FMNL1: variants seen among roughly 807,000 people sequenced by gnomAD.
The protein encoded by FMNL1 is formin-like protein 1.
Under a neutral mutation model 121.3 loss-of-function variants are expected in FMNL1, and 43 were observed. That is an observed-to-expected ratio of 0.35 (90% CI 0.28 to 0.46). The LOEUF is 0.46. FMNL1 is among the 20% of genes least tolerant of loss of function. The pLI is 1.00. For missense variants in FMNL1, 1,191 were observed against 1,482.4 expected (o/e 0.80, Z 3.23); for synonymous variants, 613 against 613.5 (o/e 1.00, Z 0.01).
In FMNL1 at chr17:45,233,510, G is replaced by A; in HGVS notation, c.402-138G>A. On this transcript the variant is annotated intron_variant, in intron 4 of 26. Transcript: ENST00000331495. The surrounding 1 kb of genome is among the most constrained non-coding windows in gnomAD (Gnocchi z 4.1). Reference sequence around the variant, plus strand: ...TGGCTGGGCTGTGGGACCCACCTGAGTCTCCCAGAATCCTTTGGTATCATT... The same window carrying A: ...TGGCTGGGCTGTGGGACCCACCTGAATCTCCCAGAATCCTTTGGTATCATT... The A allele has an allele frequency of 1.9e-6, 2 of 1,079,402 alleles. No individual in the cohort carries two copies. The highest frequency in any genetic ancestry group is 2.7e-6 in the Non-Finnish European group (2 of 749,162). 66.9% of individuals were successfully genotyped at this position (1,079,402 alleles called of 1,614,324 possible). A position where few individuals can be genotyped will look rare whatever the true frequency, so the allele number is the denominator to read the frequency against.
chr17:45,240,797 G>A, intron 12 of FMNL1, 172 bp downstream of exon 12: 1 of 999,592 alleles, frequency 1.0e-6, no homozygotes, highest in Non-Finnish European at 1.4e-6. Flanking sequence ...GAATCTGTTG[G>A]GTGTCTTTCT....
chr17:45,242,444 C>G lies in FMNL1; in HGVS notation c.1989C>G (p.Leu663=). The change falls in exon 16 of 27, where the codon CTC becomes CTG. Residue 663 remains leucine (L), a synonymous_variant. Transcript: ENST00000331495. ...TCACCGGCACTGTCTTCACAGAGCT[C>G]AATGATGAGAAGGTGCTGCAGGTGA... ...SQITGTVFTE[L]NDEKVLQELD... is the part of the protein sequence containing the mutation. 1 of 1,613,938 alleles carries G rather than the reference C, an allele frequency of 6.2e-7. No individual in the cohort carries two copies. Among genetic ancestry groups the G allele is most frequent in the Non-Finnish European group, 8.5e-7 (1 of 1,179,846 alleles).
rs2043841897 is a variant in FMNL1 at position 45,246,543 on chromosome 17, C to A, written c.3250C>A (p.Arg1084=). 1 of 1,613,740 alleles carries A rather than the reference C, an allele frequency of 6.2e-7. No homozygotes were observed. Among genetic ancestry groups the A allele is most frequent in the Non-Finnish European group, 8.5e-7 (1 of 1,179,666 alleles). Residue 1084 remains arginine, a synonymous_variant, in exon 26 of 27, where the codon CGG becomes AGG. Transcript: ENST00000331495. ...GCCCTTCACGGCCCGCACCGGCAAGCGGACATCCCGGCTCCTCTGTGAGGC... is the reference window on the plus strand; with the variant it reads ...GCCCTTCACGGCCCGCACCGGCAAGAGGACATCCCGGCTCCTCTGTGAGGC... ...TVPFTARTGK[R]TSRLLCEASL...
intron 5 of FMNL1, 57 bp from the exon 6 acceptor site, chr17:45,234,015 C>A: frequency 1.3e-6 from 2 of 1,595,722 alleles, no homozygotes; most frequent in South Asian, 1.1e-5. Flanking sequence ...TTCCTCTGCC[C>A]CCTCTTAAGT....
Position 45,236,257 on chromosome 17 carries a change from G to A in FMNL1, c.723+13G>A. The A allele has an allele frequency of 6.2e-7, 1 of 1,610,072 alleles. No homozygotes were observed. Among genetic ancestry groups the A allele is most frequent in the Non-Finnish European group, 8.5e-7 (1 of 1,177,168 alleles). Reference sequence around the variant, plus strand: ...CATGAACTACCAGGTCAGCCGAGGGGCATGGGACTGGCGACTAGGGAGCCC... The same window carrying A: ...CATGAACTACCAGGTCAGCCGAGGGACATGGGACTGGCGACTAGGGAGCCC... On this transcript the variant is annotated intron_variant, in intron 7 of 26. Transcript: ENST00000331495.
intron 1 of FMNL1, among the ~76,000 whole-genome samples, chr17:45,222,903 A>C (rs1247126881): frequency 2.0e-5 from 3 of 152,090 alleles, no homozygotes; most frequent in African/African-American, 2.4e-5. Flanking sequence ...GGGTGGAGCA[A>C]AATCTGGAAC....
At chr17:45,246,751 C>T (rs2043847068) in intron 26 of FMNL1, 116 bp from the exon 27 acceptor site, 4 of 797,814 alleles carry the variant, frequency 5.0e-6, no homozygotes, top group Non-Finnish European at 8.2e-6. Flanking sequence ...ATAAACGGTA[C>T]CCCTGCCATG....
At position 45,247,102 on chromosome 17, in the gene FMNL1, C is replaced by T. The variant is rs1162414235; in HGVS notation, c.*244C>T. 1.7e-6 allele frequency: 1 copy of T among 601,264 alleles called. No individual in the cohort carries two copies. The highest frequency in any genetic ancestry group is 3.0e-6 in the Non-Finnish European group (1 of 332,792). 37.2% of individuals were successfully genotyped at this position (601,264 alleles called of 1,614,324 possible). ...GTGGCCCGCCTCAAACGGGCTGGTG[C>T]ATCCTCCTCTTGGCCACAGAGGGCA... On this transcript the variant is annotated 3_prime_UTR_variant, in exon 27 of 27. Coordinates refer to ENST00000331495, the MANE Select transcript of FMNL1 (RefSeq NM_005892.4).
At position 45,231,192 on chromosome 17, in the gene FMNL1, T is replaced by C. The variant is rs918284749; in HGVS notation, c.213+505T>C. Among the ~76,000 whole-genome samples the C allele has an allele frequency of 6.6e-6, 1 of 152,230 alleles. No homozygotes were observed. Among genetic ancestry groups the C allele is most frequent in the Non-Finnish European group, 1.5e-5 (1 of 68,026 alleles). ...TGCTTTGGTGCTCCGTCCAGGTGCC[T>C]GGACTCACGGGTCACTCAGCTGTCC... On this transcript the variant is annotated intron_variant, in intron 2 of 26. Transcript: ENST00000331495. This position sits in a 1 kb window ranked among gnomAD's most constrained non-coding sequence, Gnocchi z 4.7.
rs2043748943 is a variant in FMNL1, at chr17:45,243,216, C to T, written c.2109C>T (p.Ala703=). The T allele has an allele frequency of 6.2e-7, 1 of 1,614,214 alleles. No homozygotes were observed. Among genetic ancestry groups the T allele is most frequent in the Admixed American group, 1.7e-5 (1 of 60,028 alleles). Residue 703 remains alanine (A), a synonymous_variant, in exon 17 of 27, where the codon GCC becomes GCT. Transcript: ENST00000331495. ...SALKSKAAQK[A]PSKATLIEAN... is the part of the protein sequence containing the mutation. ...TCAAGAGTAAGGCAGCCCAGAAGGC[C>T]CCCAGCAAGGCGACACTCATTGAGG...
intron 1 of FMNL1, 42 bp downstream of exon 1, chr17:45,222,295 G>A: frequency 8.7e-7 from 1 of 1,155,594 alleles, no homozygotes; most frequent in Non-Finnish European, 1.1e-6. Flanking sequence ...GGCGGGGGGC[G>A]GCAGGGGCGC....
At position 45,241,323 on chromosome 17, in the gene FMNL1, G is replaced by A. The variant is rs983536100; in HGVS notation, c.1333-59G>A. Reference sequence around the variant, plus strand: ...TCTCCCTCCACCCCGGGAAGAAGATGGAGGCTTGGTGCCAAGGAGCCTGCT... The same window carrying A: ...TCTCCCTCCACCCCGGGAAGAAGATAGAGGCTTGGTGCCAAGGAGCCTGCT... On this transcript the variant is annotated intron_variant, in intron 13 of 26. Transcript: ENST00000331495. This position sits in a 1 kb window ranked among gnomAD's most constrained non-coding sequence, Gnocchi z 7.0. 1.9e-6 allele frequency: 3 copies of A among 1,596,642 alleles called. No individual in the cohort carries two copies. Among genetic ancestry groups the A allele is most frequent in the Admixed American group, 1.7e-5 (1 of 57,526 alleles).
At chr17:45,228,111 A>C (rs1198716108) in intron 1 of FMNL1, among the ~76,000 whole-genome samples, 1 of 152,064 alleles carries the variant, frequency 6.6e-6, no homozygotes, top group Non-Finnish European at 1.5e-5. Flanking sequence ...TCCTGTTTTC[A>C]GGGTGGCCTC....
At position 45,237,605 on chromosome 17, in the gene FMNL1, A is replaced by G; in HGVS notation, c.860A>G (p.Asp287Gly). The change falls in exon 9 of 27, where the codon GAC becomes GGC. Residue 287 changes from aspartate to glycine, a missense_variant. Physicochemically the swap from Asp to Gly is moderately conservative, Grantham distance 94. Transcript: ENST00000331495. The surrounding 1 kb of genome is among the most constrained non-coding windows in gnomAD (Gnocchi z 4.4). ...AAVCLVRGGH[D>G]IILAAFDNFK... is the part of the protein sequence containing the mutation. ...GTGTGCTTGGTGCGGGGAGGACATG[A>G]CATCATCCTTGCAGCCTTTGACAAC... The G allele has an allele frequency of 6.2e-7, 1 of 1,614,166 alleles. No individual in the cohort carries two copies. The highest frequency in any genetic ancestry group is 1.1e-5 in the South Asian group (1 of 91,082).
rs915306445 is a variant in FMNL1 at position 45,237,753 on chromosome 17, G to C, written c.894+114G>C. Reference sequence around the variant, plus strand: ...AGCTGGGGACATTGGGTGGGCATTTGGGGAACGCCCAAAAGTTGAAGTTGA... The same window carrying C: ...AGCTGGGGACATTGGGTGGGCATTTCGGGAACGCCCAAAAGTTGAAGTTGA... On this transcript the variant is annotated intron_variant, in intron 9 of 26. Transcript: ENST00000331495. The surrounding 1 kb of genome is among the most constrained non-coding windows in gnomAD (Gnocchi z 4.4). 7 of 1,150,230 alleles carry C rather than the reference G, an allele frequency of 6.1e-6. No homozygotes were observed. In the African/African-American group the frequency reaches 9.1e-5, roughly 15 times the overall value. 71.3% of individuals were successfully genotyped at this position (1,150,230 alleles called of 1,614,324 possible).
At position 45,243,859 on chromosome 17, in the gene FMNL1, A is replaced by C; in HGVS notation, c.2282A>C (p.Glu761Ala). The change falls in exon 18 of 27, where the codon GAG becomes GCG. Residue 761 changes from glutamate (E) to alanine (A), a missense_variant. By Grantham distance (107) the Glu-to-Ala change is moderately radical. Transcript: ENST00000331495. ...ATGCGCTTCCTGCCCACAGAGTATGAGCGCAGCCTCATCACCCGCTTTGAG... is the reference window on the plus strand; with the variant it reads ...ATGCGCTTCCTGCCCACAGAGTATGCGCGCAGCCTCATCACCCGCTTTGAG... ...LLMRFLPTEY[E>A]RSLITRFERE... 1 of 1,613,894 alleles carries C rather than the reference A, an allele frequency of 6.2e-7. No homozygotes were observed. Among genetic ancestry groups the C allele is most frequent in the Non-Finnish European group, 8.5e-7 (1 of 1,180,030 alleles).
chr17:45,235,870 GTC>G (rs1015557258), intron 6 of FMNL1, among the ~76,000 whole-genome samples: 6 of 152,192 alleles, frequency 3.9e-5, no homozygotes, highest in African/African-American at 1.4e-4. Flanking sequence ...TCCTTCCCAT[GTC>G]TCTTCCTTCT....
intron 6 of FMNL1, among the ~76,000 whole-genome samples, chr17:45,235,439 T>G (rs2043529855): frequency 6.6e-6 from 1 of 152,174 alleles, no homozygotes; most frequent in African/African-American, 2.4e-5. Flanking sequence ...TCTGACATAT[T>G]AGCACAATGA....
intron 9 of FMNL1, chr17:45,238,207 AG>A: frequency 4.1e-6 from 1 of 243,436 alleles, no homozygotes; most frequent in Non-Finnish European, 8.1e-6. Context: ...AATGTTGCAG[AG>A]GGAGGGGGAA....
Sources: allele counts gnomAD v4.1 joint callset (sites outside exome capture counted in the v4.1 genomes callset), GRCh38; gene constraint gnomAD v4.1.1; non-coding constraint Gnocchi (gnomAD v3.1); transcripts MANE v1.5; gene names NCBI Gene and HGNC (gene_info 2026-07-23, HGNC 2026-07-21).